CSNK1D: variants seen among roughly 807,000 people sequenced by gnomAD.
The protein encoded by CSNK1D is casein kinase 1 delta.
In CSNK1D, 16 loss-of-function variants were observed where a neutral mutation model predicts 46.6. The ratio of observed to expected loss-of-function variants is 0.34; its 90% CI spans 0.23 to 0.52. CSNK1D has a LOEUF of 0.52. Among genes scored for constraint, CSNK1D ranks in the 20% least tolerant of loss-of-function variants. CSNK1D has a pLI of 0.95. For missense variants in CSNK1D, 398 were observed against 578.4 expected (o/e 0.69, Z 3.20); for synonymous variants, 276 against 228.2 (o/e 1.21, Z -1.89).
intron 8 of CSNK1D, chr17:82,245,409 A>C: frequency 4.6e-6 from 1 of 218,174 alleles, no homozygotes; most frequent in Non-Finnish European, 9.4e-6. Context: ...TGCGTGGACA[A>C]GACGGCTGGG....
At chr17:82,263,520 A>T (rs536542504) in intron 2 of CSNK1D, among the ~76,000 whole-genome samples, 2 of 152,302 alleles carry the variant, frequency 1.3e-5, no homozygotes, top group South Asian at 4.1e-4. Flanking sequence ...TGCTGCCAAC[A>T]TCTACCATGC....
In CSNK1D at chr17:82,244,644, C is replaced by T. The variant is rs1157200159; in HGVS notation, c.*137G>A. 5.2e-6 allele frequency: 8 copies of T among 1,551,632 alleles called. No homozygotes were observed. The highest frequency in any genetic ancestry group is 4.1e-5 in the African/African-American group (3 of 73,878). ...TTTAGTATGTTTCCCCCACGAGCGT[C>T]GCTGGGTGAGTGGCCTGGAGAGCTC... On this transcript the variant is annotated 3_prime_UTR_variant, in exon 9 of 9. Coordinates refer to ENST00000314028, the MANE Select transcript of CSNK1D (RefSeq NM_001893.6).
At position 82,273,600 on chromosome 17, in the gene CSNK1D, C is replaced by G. The variant is rs2051700367; in HGVS notation, c.-219G>C. The G allele has an allele frequency of 3.4e-6, 2 of 582,832 alleles. No homozygotes were observed. The highest frequency in any genetic ancestry group is 5.9e-6 in the Non-Finnish European group (2 of 336,450). 36.1% of individuals were successfully genotyped at this position (582,832 alleles called of 1,614,324 possible). On this transcript the variant is annotated 5_prime_UTR_variant, in exon 1 of 9. Transcript: ENST00000314028. This position sits in a 1 kb window ranked among gnomAD's most constrained non-coding sequence, Gnocchi z 5.1. Reference sequence around the variant, plus strand: ...AGCGCCGCCGCCGCTGCTCCGGCCCCTACCGGTCCCGCTTGCCCTCTCCCC... The same window carrying G: ...AGCGCCGCCGCCGCTGCTCCGGCCCGTACCGGTCCCGCTTGCCCTCTCCCC...
In CSNK1D at chr17:82,243,186, G is replaced by C; in HGVS notation, c.*1595C>G. ...ATGGGCTCAGGCAGACGGCCAGCCA[G>C]CTGGTGGGGGGGTGAACAACTGTGT... is the stretch of plus-strand genomic sequence containing the variant. On this transcript the variant is annotated 3_prime_UTR_variant, in exon 9 of 9. Transcript: ENST00000314028. The C allele has an allele frequency of 1.0e-6, 1 of 985,672 alleles. No homozygotes were observed. The highest frequency in any genetic ancestry group is 1.2e-6 in the Non-Finnish European group (1 of 830,096). 61.1% of individuals were successfully genotyped at this position (985,672 alleles called of 1,614,324 possible). A position where few individuals can be genotyped will look rare whatever the true frequency, so the allele number is the denominator to read the frequency against.
intron 3 of CSNK1D, among the ~76,000 whole-genome samples, chr17:82,254,881 C>T (rs1360478947): frequency 1.5e-5 from 2 of 131,184 alleles, no homozygotes; most frequent in African/African-American, 5.8e-5. Flanking sequence ...CCGGGGGCCT[C>T]GAGAAGCCAG....
At chr17:82,247,468 C>T (rs1330825040) in intron 8 of CSNK1D, 5 of 985,512 alleles carry the variant, frequency 5.1e-6, no homozygotes, top group Middle Eastern at 5.2e-4. Context: ...ACTCAGGCCC[C>T]TTCCCTAGTC....
intron 1 of CSNK1D, among the ~76,000 whole-genome samples, chr17:82,271,215 A>ACAGG (rs1307865044): frequency 3.3e-5 from 5 of 152,178 alleles, no homozygotes; most frequent in African/African-American, 1.2e-4. Flanking sequence ...AGCTGGAATT[A>ACAGG]CAGGCAGCCA....
chr17:82,240,164 C>T (rs1414363268), downstream of CSNK1D: 4 of 913,716 alleles, frequency 4.4e-6, no homozygotes, highest in Admixed American at 8.6e-5. Flanking sequence ...AGCCCAGGCT[C>T]CTGCCTGCAG....
chr17:82,252,409 T>C lies in CSNK1D; in HGVS notation c.736+25A>G, dbSNP rs746223012. On this transcript the variant is annotated intron_variant, in intron 5 of 8. Coordinates refer to ENST00000314028, the MANE Select transcript of CSNK1D (RefSeq NM_001893.6). This position sits in a 1 kb window ranked among gnomAD's most constrained non-coding sequence, Gnocchi z 4.6. ...ATGCAACCCCTGTGAGCAGCTCCGC[T>C]GAGAAGAGGCCTCCAGAGACTTACA... is the stretch of plus-strand genomic sequence containing the variant. The C allele has an allele frequency of 6.2e-7, 1 of 1,613,924 alleles. No homozygotes were observed. The highest frequency in any genetic ancestry group is 1.1e-5 in the South Asian group (1 of 91,086).
intron 8 of CSNK1D, chr17:82,247,499 G>A: frequency 1.1e-5 from 11 of 985,486 alleles, no homozygotes; most frequent in Non-Finnish European, 1.2e-5. Context: ...AAGCGCTGGG[G>A]CGAGGCTGTC....
intron 1 of CSNK1D, among the ~76,000 whole-genome samples, chr17:82,271,141 T>C (rs1201070204): frequency 6.6e-6 from 1 of 152,208 alleles, no homozygotes; most frequent in Non-Finnish European, 1.5e-5. Flanking sequence ...AGTGGTGTGA[T>C]CTTGGCTCAC....
chr17:82,255,364 C>T lies in CSNK1D; in HGVS notation c.336+65G>A, dbSNP rs2051150992. ...ATGGCCATAATAATGGCAAGAACAG[C>T]ACAAGCGAGTGGCTGATTCTATCAG... On this transcript the variant is annotated intron_variant, in intron 3 of 8. Coordinates refer to ENST00000314028, the MANE Select transcript of CSNK1D (RefSeq NM_001893.6). The surrounding 1 kb of genome is among the most constrained non-coding windows in gnomAD (Gnocchi z 5.9). 6.3e-7 allele frequency: 1 copy of T among 1,576,184 alleles called. No homozygotes were observed. The highest frequency in any genetic ancestry group is 8.7e-7 in the Non-Finnish European group (1 of 1,145,526).
intron 1 of CSNK1D, among the ~76,000 whole-genome samples, chr17:82,267,241 G>T (rs1568584819): frequency 1.3e-5 from 2 of 152,172 alleles, no homozygotes; most frequent in Admixed American, 6.5e-5. Flanking sequence ...TCTTGTCAAT[G>T]GAGATCAGTG....
intron 8 of CSNK1D, chr17:82,247,005 C>T (rs2050867484): frequency 8.1e-6 from 8 of 985,392 alleles, no homozygotes; most frequent in African/African-American, 7.0e-5. Flanking sequence ...AGGAAGGACA[C>T]ACGGCCAAAG....
At chr17:82,263,726 G>A (rs2051397568) in intron 2 of CSNK1D, among the ~76,000 whole-genome samples, 3 of 152,230 alleles carry the variant, frequency 2.0e-5, no homozygotes, top group Admixed American at 2.0e-4. Flanking sequence ...AACTTAAGGT[G>A]TTTTTAAGCT....
rs114625245 is a variant in CSNK1D, at chr17:82,250,029, C to G, written c.886-427G>C. The G allele has an allele frequency of 8.6e-4, 1,065 of 1,244,882 alleles. 12 individuals carry two copies. The African/African-American group carries it at 0.016, about 18-fold the overall frequency. 77.1% of individuals were successfully genotyped at this position (1,244,882 alleles called of 1,614,324 possible). On this transcript the variant is annotated intron_variant, in intron 6 of 8. Transcript: ENST00000314028. This position sits in a 1 kb window ranked among gnomAD's most constrained non-coding sequence, Gnocchi z 4.6. ...CGGGGTGGGGATGAGAGCGTTTGGT[C>G]GGACGAGGAGTACACTCAGGGTCCG...
chr17:82,267,254 G>A (rs1481977566), intron 1 of CSNK1D, among the ~76,000 whole-genome samples: 1 of 152,170 alleles, frequency 6.6e-6, no homozygotes, highest in Non-Finnish European at 1.5e-5. Flanking sequence ...GATCAGTGGT[G>A]AGGTCTGACG....
intron 1 of CSNK1D, chr17:82,272,418 T>C (rs1357450135): frequency 2.0e-5 from 3 of 152,308 alleles, no homozygotes; most frequent in Non-Finnish European, 4.4e-5. Context: ...CGTGCATATT[T>C]TTCCATTGTA....
rs1319507130 is a variant in CSNK1D, at chr17:82,253,242, G to C, written c.339C>G (p.Ile113Met). The C allele has an allele frequency of 1.2e-6, 2 of 1,613,596 alleles. No homozygotes were observed. Among genetic ancestry groups the C allele is most frequent in the Non-Finnish European group, 8.5e-7 (1 of 1,179,702 alleles). ...TTGAATGAATGTATTCGATGCGACT[G>C]ATCTGTGAGCAGAGCAAGGGCGCGA... ...KTVLLLADQM[I>M]SRIEYIHSKN... Residue 113 changes from isoleucine (I) to methionine (M), a missense_variant and splice_region_variant, in exon 4 of 9, where the codon ATC becomes ATG. Coordinates refer to ENST00000314028, the MANE Select transcript of CSNK1D (RefSeq NM_001893.6).
Sources: allele counts gnomAD v4.1 joint callset (sites outside exome capture counted in the v4.1 genomes callset), GRCh38; gene constraint gnomAD v4.1.1; non-coding constraint Gnocchi (gnomAD v3.1); transcripts MANE v1.5; gene names NCBI Gene and HGNC (gene_info 2026-07-23, HGNC 2026-07-21).